ZNF503: variants seen among roughly 807,000 people sequenced by gnomAD.
The protein encoded by ZNF503 is zinc finger protein 503, also known as NocA-like zinc finger 2.
A neutral mutation model predicts 34.4 loss-of-function variants in ZNF503; 15 were observed. The observed-to-expected ratio is 0.44, with a 90% confidence interval of 0.29 to 0.67. The LOEUF (loss-of-function observed/expected upper bound fraction) is 0.67, where lower values mean the gene tolerates loss of function less well. Ranked by LOEUF, ZNF503 falls within the 30% of genes least tolerant of loss-of-function variation. The probability of loss-of-function intolerance (pLI) is 0.13; values close to 1 mark genes in which losing one functional copy is unlikely to be tolerated. For synonymous variants in ZNF503, 580 were observed against 456.8 expected, an observed-to-expected ratio of 1.27 and a Z score of -3.44; for missense variants, 1,007 against 926.8, an observed-to-expected ratio of 1.09 and a Z score of -1.12.
chr10:75,348,206 T>G, the ZNF503 span, among the ~76,000 whole-genome samples: 5 of 151,702 alleles, frequency 3.3e-5, no homozygotes, highest in African/African-American at 1.2e-4. Flanking sequence ...GGGATTACAG[T>G]CATGTGCCAC....
At chr10:75,346,880 G>A in the ZNF503 span, among the ~76,000 whole-genome samples, 3 of 150,526 alleles carry the variant, frequency 2.0e-5, no homozygotes, top group Non-Finnish European at 3.0e-5. Flanking sequence ...GGACTCAAGC[G>A]ATCCTCCTGC....
At chr10:75,299,649 C>G in the ZNF503 span, among the ~76,000 whole-genome samples, 1 of 152,142 alleles carries the variant, frequency 6.6e-6, no homozygotes, top group Non-Finnish European at 1.5e-5. Flanking sequence ...TCTATTTTCC[C>G]TAAGCGCTGG....
At chr10:75,372,970 T>C in the ZNF503 span, among the ~76,000 whole-genome samples, 279 of 152,248 alleles carry the variant, frequency 1.8e-3, 7 homozygotes, top group East Asian at 0.036. Context: ...TCCAGAGAGA[T>C]GCAGTGCCTC....
the ZNF503 span, among the ~76,000 whole-genome samples, chr10:75,344,350 C>T: frequency 6.6e-6 from 1 of 152,216 alleles, no homozygotes; most frequent in African/African-American, 2.4e-5. Context: ...TGAAAATGTG[C>T]CTAGCCCCAG....
chr10:75,308,145 C>T, the ZNF503 span, among the ~76,000 whole-genome samples: 4 of 151,000 alleles, frequency 2.6e-5, no homozygotes, highest in Non-Finnish European at 4.4e-5. Context: ...GTTAAATCTA[C>T]TCTGCCTGTG....
chr10:75,366,430 T>C, the ZNF503 span, among the ~76,000 whole-genome samples: 1 of 152,200 alleles, frequency 6.6e-6, no homozygotes, highest in East Asian at 1.9e-4. Flanking sequence ...CGAGCAATGG[T>C]GTGGCAGGAT....
At chr10:75,387,546 A>G in the ZNF503 span, among the ~76,000 whole-genome samples, 2 of 152,188 alleles carry the variant, frequency 1.3e-5, no homozygotes, top group Non-Finnish European at 1.5e-5. Flanking sequence ...TCATAATCCA[A>G]TTTCCTTCCT....
rs1361407887 is a variant in ZNF503 at position 75,399,927 on chromosome 10, TGTC to T, written c.760_762del (p.Asp254del). Reference sequence around the variant, plus strand: ...CCGCCGCCCACGTCGGTGTCTTTCTTGTCGTCCTTGCCCTCCGGGGCACCCCCG... The same window carrying T: ...CCGCCGCCCACGTCGGTGTCTTTCTTGTCCTTGCCCTCCGGGGCACCCCCG... On this transcript the variant is annotated inframe_deletion, in exon 2 of 2. Transcript: ENST00000372524. 5 of 1,606,046 alleles carry T rather than the reference TGTC, an allele frequency of 3.1e-6. No homozygotes were observed. The highest frequency in any genetic ancestry group is 1.7e-6 in the Non-Finnish European group (2 of 1,179,070).
In ZNF503 at chr10:75,398,921, C is replaced by T. The variant is rs1162759867; in HGVS notation, c.1769G>A (p.Arg590His). ...APGSPGTLAL[R>H]SPHHALGLSS... ...GAGTCCCAGCGCGTGGTGGGGGCTG[C>T]GCAGCGCCAGCGTCCCAGGGCTGCC... is the stretch of plus-strand genomic sequence containing the variant. Residue 590 changes from arginine (R) to histidine (H), a missense_variant, in exon 2 of 2, where the codon CGC becomes CAC. By Grantham distance (29) the Arg-to-His change is conservative. Transcript: ENST00000372524. The T allele has an allele frequency of 5.7e-6, 9 of 1,578,536 alleles. 1 individual carries two copies. The South Asian group carries it at 5.8e-5, about 10-fold the overall frequency.
At chr10:75,362,915 C>T in the ZNF503 span, among the ~76,000 whole-genome samples, 1 of 152,170 alleles carries the variant, frequency 6.6e-6, no homozygotes. Context: ...AGTTCCCCCT[C>T]TTCAATCTCT....
the ZNF503 span, among the ~76,000 whole-genome samples, chr10:75,360,466 G>A: frequency 6.6e-6 from 1 of 152,018 alleles, no homozygotes; most frequent in African/African-American, 2.4e-5. Context: ...GTGCGACTCT[G>A]AGAGTGGGTG....
the ZNF503 span, among the ~76,000 whole-genome samples, chr10:75,388,341 A>G: frequency 2.0e-5 from 3 of 152,204 alleles, no homozygotes; most frequent in Admixed American, 1.3e-4. Flanking sequence ...GCTGATTTCA[A>G]GCCACTAACA....
At chr10:75,375,747 C>T in the ZNF503 span, among the ~76,000 whole-genome samples, 1 of 152,194 alleles carries the variant, frequency 6.6e-6, no homozygotes. Flanking sequence ...GAACTCCTGG[C>T]CTCAAGTGAT....
rs892384143 is a variant in ZNF503 at position 75,401,711 on chromosome 10, C to G, written c.-292G>C. ...CCCCTGCGCTGCGTTCTCGCGGCCC[C>G]GCGCCGGCGCTGCGCTCTGCGATGC... is the stretch of plus-strand genomic sequence containing the variant. On this transcript the variant is annotated 5_prime_UTR_variant, in exon 1 of 2. Transcript: ENST00000372524. 10 of 406,214 alleles carry G rather than the reference C, an allele frequency of 2.5e-5. No homozygotes were observed. The highest frequency in any genetic ancestry group is 3.9e-5 in the Non-Finnish European group (9 of 229,634). 25.2% of individuals were successfully genotyped at this position (406,214 alleles called of 1,614,324 possible). A position where few individuals can be genotyped will look rare whatever the true frequency, so the allele number is the denominator to read the frequency against.
At chr10:75,300,259 G>A in the ZNF503 span, among the ~76,000 whole-genome samples, 10 of 152,210 alleles carry the variant, frequency 6.6e-5, no homozygotes, top group African/African-American at 1.2e-4. Context: ...GCTCACCGGC[G>A]GTCAGAGTTT....
intron 1 of ZNF503, 123 bp downstream of exon 1, chr10:75,400,982 T>A (rs1269238961): frequency 1.4e-6 from 2 of 1,397,308 alleles, no homozygotes; most frequent in Non-Finnish European, 1.9e-6. Context: ...AGTAGCCTCT[T>A]CCCCCATTCG....
chr10:75,287,448 C>T, the ZNF503 span, among the ~76,000 whole-genome samples: 9 of 152,260 alleles, frequency 5.9e-5, 1 homozygote, highest in South Asian at 1.7e-3. Context: ...CCTTTCCTGA[C>T]CCCCCTTCTG....
chr10:75,400,236 C>A lies in ZNF503; in HGVS notation c.454G>T (p.Ala152Ser), dbSNP rs771834220. ...CCCGATTTGGTGTCCTTGTCGCCCG[C>A]AGCACCGCCGCCGGCACCGCCCGCG... The part of the protein sequence containing the change: ...GGAGGAGGGA[A>S]GDKDTKSGPL... The change falls in exon 2 of 2, where the codon GCG becomes TCG. Residue 152 changes from alanine (A) to serine (S), a missense_variant. Transcript: ENST00000372524. 6.2e-7 allele frequency: 1 copy of A among 1,610,892 alleles called. No homozygotes were observed. The highest frequency in any genetic ancestry group is 8.5e-7 in the Non-Finnish European group (1 of 1,179,218).
chr10:75,307,758 C>T, the ZNF503 span, among the ~76,000 whole-genome samples: 1 of 152,190 alleles, frequency 6.6e-6, no homozygotes, highest in Admixed American at 6.5e-5. Context: ...TATTCATTTA[C>T]CTTTCTGAAA....
Sources: allele counts gnomAD v4.1 joint callset (sites outside exome capture counted in the v4.1 genomes callset), GRCh38; gene constraint gnomAD v4.1.1; transcripts MANE v1.5; gene names NCBI Gene and HGNC (gene_info 2026-07-23, HGNC 2026-07-21).